CWF19L2: variants seen among roughly 807,000 people sequenced by gnomAD.
The protein encoded by CWF19L2 is CWF19 like cell cycle control factor 2.
A neutral mutation model predicts 111.7 loss-of-function variants in CWF19L2; 98 were observed. The ratio of observed to expected loss-of-function variants is 0.88; its 90% CI spans 0.75 to 1.04. The LOEUF is 1.04. Among genes scored for constraint, CWF19L2 ranks in the 50% least tolerant of loss-of-function variants. CWF19L2 has a pLI of 0.00. For synonymous variants in CWF19L2, 351 were observed against 342.9 expected (o/e 1.02, Z -0.26); for missense variants, 1,101 against 1,051.4 (o/e 1.05, Z -0.65).
chr11:107,457,337 C>T (rs757725972), intron 1 of CWF19L2, among the ~76,000 whole-genome samples: 1 of 152,150 alleles, frequency 6.6e-6, no homozygotes, highest in African/African-American at 2.4e-5. Context: ...AAAGGAAAAT[C>T]TCATTTCAGA....
intron 4 of CWF19L2, among the ~76,000 whole-genome samples, 151 bp from the exon 5 acceptor site, chr11:107,441,773 C>A (rs922537457): frequency 6.6e-6 from 1 of 152,194 alleles, no homozygotes; most frequent in African/African-American, 2.4e-5. Context: ...TAACTTGAAG[C>A]AAGCTTCTAA....
chr11:107,403,713 C>T, intron 10 of CWF19L2: 2 of 826,516 alleles, frequency 2.4e-6, no homozygotes, highest in Non-Finnish European at 2.1e-6. Context: ...GCTTGCTCTG[C>T]CGCCTCCTTC....
chr11:107,397,686 T>G (rs1263333709), intron 10 of CWF19L2, among the ~76,000 whole-genome samples: 1 of 151,990 alleles, frequency 6.6e-6, no homozygotes, highest in Non-Finnish European at 1.5e-5. Context: ...CTCTGGAAAG[T>G]GCCACCTCCT....
Position 107,416,120 on chromosome 11 carries a change from AAAAATAAAAT to A in CWF19L2, c.1617+79_1617+88del, listed in dbSNP as rs975297091. On this transcript the variant is annotated intron_variant, in intron 10 of 17. Coordinates refer to ENST00000282251, the MANE Select transcript of CWF19L2 (RefSeq NM_152434.3). ...TCAAAAAAATAGATAAAATAAAATA[AAAAATAAAAT>A]AAAATAAAATAAAATATTACCACTG... The A allele has an allele frequency of 1.0e-3, 346 of 340,792 alleles. 1 individual carries two copies. In the East Asian group the frequency reaches 0.018, roughly 18 times the overall value. The allele number at this position is 340,792 out of a possible 1,614,324, so 21.1% of individuals were successfully genotyped here.
At chr11:107,455,299 CA>C (rs1288881213) in intron 2 of CWF19L2, among the ~76,000 whole-genome samples, 6 of 151,680 alleles carry the variant, frequency 4.0e-5, no homozygotes, top group Non-Finnish European at 8.8e-5. Context: ...TATTATTTGT[CA>C]ATTAAAAATA....
intron 12 of CWF19L2, among the ~76,000 whole-genome samples, chr11:107,382,471 GGT>G (rs1860701309): frequency 6.6e-6 from 1 of 152,124 alleles, no homozygotes; most frequent in Non-Finnish European, 1.5e-5. Flanking sequence ...AGATGTGAAA[GGT>G]GAAACAAGAT....
At chr11:107,392,956 T>A in intron 10 of CWF19L2, 61 bp from the exon 11 acceptor site, 1 of 1,062,232 alleles carries the variant, frequency 9.4e-7, no homozygotes, top group East Asian at 2.7e-5. Flanking sequence ...ATGTTTTTAT[T>A]TAATAACAAA....
intron 12 of CWF19L2, among the ~76,000 whole-genome samples, chr11:107,375,588 A>G (rs1240378199): frequency 1.5e-5 from 2 of 135,316 alleles, no homozygotes; most frequent in African/African-American, 5.7e-5. Flanking sequence ...ACAAAGACAC[A>G]ACATACCAGA....
At chr11:107,339,865 G>A (rs1203651919) in intron 14 of CWF19L2, among the ~76,000 whole-genome samples, 2 of 151,614 alleles carry the variant, frequency 1.3e-5, no homozygotes, top group African/African-American at 2.4e-5. Flanking sequence ...TCAAGGTTTC[G>A]CCATGTTGGC....
At chr11:107,398,702 C>T (rs570126498) in intron 10 of CWF19L2, among the ~76,000 whole-genome samples, 2 of 152,300 alleles carry the variant, frequency 1.3e-5, no homozygotes, top group South Asian at 2.1e-4. Context: ...AAATTCATCA[C>T]AAAAACATCT....
chr11:107,456,591 T>C (rs1429185145), intron 1 of CWF19L2, among the ~76,000 whole-genome samples: 1 of 151,712 alleles, frequency 6.6e-6, no homozygotes, highest in South Asian at 2.1e-4. Flanking sequence ...TAATCAAATA[T>C]AAAAATAATT....
At chr11:107,445,575 G>C (rs1016764718) in intron 3 of CWF19L2, among the ~76,000 whole-genome samples, 2 of 148,802 alleles carry the variant, frequency 1.3e-5, no homozygotes, top group Non-Finnish European at 3.0e-5. Flanking sequence ...TTGCACTCCA[G>C]CCTGGGGGAC....
chr11:107,418,079 C>T (rs1292017259), intron 9 of CWF19L2, 115 bp downstream of exon 9: 3 of 717,508 alleles, frequency 4.2e-6, no homozygotes, highest in Non-Finnish European at 7.5e-6. Context: ...GAATCAATAA[C>T]CAACAGTTAT....
Position 107,395,389 on chromosome 11 carries a change from G to C in CWF19L2, c.1618-2494C>G, listed in dbSNP as rs112300249. Among the ~76,000 whole-genome samples, 13 of 152,250 alleles carry C rather than the reference G, an allele frequency of 8.5e-5. 1 individual carries two copies. Among genetic ancestry groups the C allele is most frequent in the African/African-American group, 2.9e-4 (12 of 41,536 alleles). On this transcript the variant is annotated intron_variant, in intron 10 of 17. Transcript: ENST00000282251. Reference sequence around the variant, plus strand: ...CCCAGTTTCGGGTATGTCTTTATCAGCAGCATGAAAACAGACAAATACAAG... The same window carrying C: ...CCCAGTTTCGGGTATGTCTTTATCACCAGCATGAAAACAGACAAATACAAG...
chr11:107,442,887 A>AGGAAGGAG (rs2135422641), intron 4 of CWF19L2, 52 bp downstream of exon 4: 1 of 1,123,210 alleles, frequency 8.9e-7, no homozygotes, highest in South Asian at 1.3e-5. Context: ...GGAGGGAGGA[A>AGGAAGGAG]GGAAGGAAGG....
intron 8 of CWF19L2, among the ~76,000 whole-genome samples, chr11:107,421,422 A>G (rs764839824): frequency 6.6e-6 from 1 of 152,162 alleles, no homozygotes; most frequent in Non-Finnish European, 1.5e-5. Flanking sequence ...AATAGAAAAT[A>G]GAAAAACAAT....
chr11:107,377,961 T>C (rs1860618766), intron 12 of CWF19L2, among the ~76,000 whole-genome samples: 1 of 151,954 alleles, frequency 6.6e-6, no homozygotes, highest in Non-Finnish European at 1.5e-5. Flanking sequence ...GCGGAGGATA[T>C]GAACAGACAC....
intron 12 of CWF19L2, among the ~76,000 whole-genome samples, chr11:107,378,546 G>A (rs1037619563): frequency 2.0e-5 from 3 of 152,066 alleles, no homozygotes; most frequent in East Asian, 1.9e-4. Context: ...GTATTCTCAC[G>A]CATAGGTGGG....
At chr11:107,335,349 A>G (rs1326745108) in intron 15 of CWF19L2, among the ~76,000 whole-genome samples, 1 of 152,198 alleles carries the variant, frequency 6.6e-6, no homozygotes, top group South Asian at 2.1e-4. Context: ...AAGGCAACAG[A>G]GTAATTTACA....
Sources: gnomAD v4.1 joint callset for allele counts (sites outside exome capture counted in the v4.1 genomes callset) on GRCh38, gnomAD v4.1.1 for gene constraint, MANE v1.5 for transcripts, NCBI Gene and HGNC (gene_info 2026-07-23, HGNC 2026-07-21) for gene names.